PPARGC1A: variants seen among roughly 807,000 people sequenced by gnomAD.
PPARGC1A encodes PPARG coactivator 1 alpha.
PPARGC1A carries 25 observed loss-of-function variants against 88.7 expected under a neutral mutation model. The observed-to-expected ratio is 0.28, with a 90% CI of 0.21 to 0.39. The LOEUF (loss-of-function observed/expected upper bound fraction) is 0.39. Ranked by LOEUF, PPARGC1A falls within the 10% of genes least tolerant of loss-of-function variation. The pLI is 1.00. For synonymous variants in PPARGC1A, 363 were observed against 355.6 expected (o/e 1.02, Z -0.24); for missense variants, 880 against 968.7 (o/e 0.91, Z 1.22).
chr4:24,205,189 T>G, the PPARGC1A span, among the ~76,000 whole-genome samples: 14 of 152,306 alleles, frequency 9.2e-5, no homozygotes, highest in South Asian at 2.9e-3. Context: ...CCATGTGTTC[T>G]TCTTACATTT....
At chr4:23,828,958 C>A (rs1724512693) in intron 4 of PPARGC1A, among the ~76,000 whole-genome samples, 1 of 152,152 alleles carries the variant, frequency 6.6e-6, no homozygotes, top group South Asian at 2.1e-4. Context: ...CTCTTAAGTA[C>A]CCCTTAATGC....
the PPARGC1A span, among the ~76,000 whole-genome samples, chr4:23,982,936 T>A: frequency 6.6e-6 from 1 of 152,180 alleles, no homozygotes; most frequent in Admixed American, 6.5e-5. Context: ...CCTGGTTTTA[T>A]AAATAAAGTT....
the PPARGC1A span, among the ~76,000 whole-genome samples, chr4:24,387,883 A>G: frequency 1.5e-5 from 2 of 133,120 alleles, no homozygotes; most frequent in Non-Finnish European, 3.1e-5. Context: ...AAAGAGAAAG[A>G]AAGAAAGAAA....
At chr4:24,307,757 C>T in the PPARGC1A span, among the ~76,000 whole-genome samples, 1 of 152,198 alleles carries the variant, frequency 6.6e-6, no homozygotes, top group Non-Finnish European at 1.5e-5. Flanking sequence ...TTAACAGGAA[C>T]CAGAGTCCCA....
the PPARGC1A span, among the ~76,000 whole-genome samples, chr4:23,997,497 C>CTTTTTTTTTT: frequency 3.1e-5 from 3 of 96,948 alleles, no homozygotes; most frequent in East Asian, 3.3e-4. Context: ...CAAGAAAGCC[C>CTTTTTTTTTT]TTTTTTTTTT....
chr4:24,143,597 A>C, the PPARGC1A span, among the ~76,000 whole-genome samples: 3 of 150,042 alleles, frequency 2.0e-5, no homozygotes, highest in Non-Finnish European at 4.4e-5. Context: ...TTAGACAGAT[A>C]GATGGATGGA....
the PPARGC1A span, among the ~76,000 whole-genome samples, chr4:24,177,251 A>C: frequency 6.6e-6 from 1 of 152,122 alleles, no homozygotes; most frequent in African/African-American, 2.4e-5. Flanking sequence ...GATTAAGAAA[A>C]TGTGGCACAT....
the PPARGC1A span, among the ~76,000 whole-genome samples, chr4:23,970,013 A>G: frequency 6.6e-6 from 1 of 152,244 alleles, no homozygotes; most frequent in Non-Finnish European, 1.5e-5. Flanking sequence ...AGATGGTGAT[A>G]TAAGATATAA....
chr4:24,225,921 C>G, the PPARGC1A span, among the ~76,000 whole-genome samples: 1 of 151,608 alleles, frequency 6.6e-6, no homozygotes, highest in Non-Finnish European at 1.5e-5. Context: ...GAGAATGGGA[C>G]CAAATGAAAG....
chr4:24,254,400 T>C, the PPARGC1A span, among the ~76,000 whole-genome samples: 1 of 152,192 alleles, frequency 6.6e-6, no homozygotes, highest in East Asian at 1.9e-4. Flanking sequence ...ATCTCACATT[T>C]ACCAACCCAG....
chr4:24,375,334 C>T, the PPARGC1A span, among the ~76,000 whole-genome samples: 66 of 152,252 alleles, frequency 4.3e-4, no homozygotes, highest in African/African-American at 1.3e-3. Flanking sequence ...TCAAGTTTAT[C>T]GGCCACCATT....
chr4:24,206,840 T>TAA, the PPARGC1A span, among the ~76,000 whole-genome samples: 97 of 43,676 alleles, frequency 2.2e-3, 4 homozygotes, highest in African/African-American at 7.0e-3. Flanking sequence ...GACTTCACCT[T>TAA]AAAAAAAAAA....
chr4:24,175,720 CTTT>C, the PPARGC1A span, among the ~76,000 whole-genome samples: 3 of 151,452 alleles, frequency 2.0e-5, no homozygotes, highest in East Asian at 1.9e-4. Flanking sequence ...TTTGTTGCTT[CTTT>C]TTTTATTTTT....
At chr4:24,128,897 A>C in the PPARGC1A span, among the ~76,000 whole-genome samples, 1 of 152,172 alleles carries the variant, frequency 6.6e-6, no homozygotes, top group Non-Finnish European at 1.5e-5. Context: ...CAATCAACGA[A>C]GCCTCACCAA....
the PPARGC1A span, among the ~76,000 whole-genome samples, chr4:24,082,931 G>T: frequency 1.3e-5 from 2 of 151,982 alleles, no homozygotes; most frequent in African/African-American, 4.8e-5. Flanking sequence ...TGGCTATTTG[G>T]GTTTTACGCA....
the PPARGC1A span, among the ~76,000 whole-genome samples, chr4:24,077,624 G>GGTGGGTGT: frequency 7.6e-6 from 1 of 130,902 alleles, no homozygotes; most frequent in Non-Finnish European, 1.6e-5. Flanking sequence ...TGTGTCTAGG[G>GGTGGGTGT]GTGTGTGTGT....
the PPARGC1A span, among the ~76,000 whole-genome samples, chr4:23,960,330 G>T: frequency 6.6e-6 from 1 of 152,090 alleles, no homozygotes; most frequent in Admixed American, 6.5e-5. Flanking sequence ...GGCCAGGGAT[G>T]TTGCTGAACA....
At chr4:24,283,092 A>G in the PPARGC1A span, among the ~76,000 whole-genome samples, 1 of 152,194 alleles carries the variant, frequency 6.6e-6, no homozygotes, top group Non-Finnish European at 1.5e-5. Flanking sequence ...AGGTGAAGAT[A>G]TATGACTGAT....
At chr4:24,345,520 G>GTTTAT in the PPARGC1A span, among the ~76,000 whole-genome samples, 1 of 151,738 alleles carries the variant, frequency 6.6e-6, no homozygotes, top group Non-Finnish European at 1.5e-5. Flanking sequence ...GTTTAGTTTA[G>GTTTAT]TTTTGTTTTG....
Sources: allele counts gnomAD v4.1 joint callset (sites outside exome capture counted in the v4.1 genomes callset), GRCh38; gene constraint gnomAD v4.1.1; transcripts MANE v1.5; gene names NCBI Gene and HGNC (gene_info 2026-07-23, HGNC 2026-07-21).